Variants in QTMAN observed in about 807,000 individuals in gnomAD.
The protein encoded by QTMAN is queuosine-tRNA mannosyltransferase, also known as tRNA-queuosine alpha-mannosyltransferase.
At chr2:144,073,052 G>A in the QTMAN span, among the ~76,000 whole-genome samples, 1 of 151,872 alleles carries the variant, frequency 6.6e-6, no homozygotes, top group Non-Finnish European at 1.5e-5. Context: ...TCTGTGAGAG[G>A]GATAACCTTT....
the QTMAN span, among the ~76,000 whole-genome samples, chr2:144,238,243 T>C: frequency 1.3e-5 from 2 of 152,218 alleles, no homozygotes; most frequent in South Asian, 4.1e-4. Context: ...ATCAAGGAAG[T>C]AGCCAACTAC....
At chr2:144,217,928 G>C in the QTMAN span, among the ~76,000 whole-genome samples, 2 of 152,102 alleles carry the variant, frequency 1.3e-5, no homozygotes, top group Non-Finnish European at 2.9e-5. Context: ...TCACACGTAG[G>C]ATATATTTAT....
At chr2:144,147,120 G>A in the QTMAN span, among the ~76,000 whole-genome samples, 48 of 151,742 alleles carry the variant, frequency 3.2e-4, no homozygotes, top group Non-Finnish European at 6.0e-4. Flanking sequence ...ACATAAGAAG[G>A]ATTACATAAT....
the QTMAN span, among the ~76,000 whole-genome samples, chr2:144,117,502 G>A: frequency 6.6e-6 from 1 of 151,950 alleles, no homozygotes; most frequent in Non-Finnish European, 1.5e-5. Context: ...AATTAACACG[G>A]CAATGCATAA....
At chr2:144,175,785 C>G in the QTMAN span, among the ~76,000 whole-genome samples, 1 of 152,278 alleles carries the variant, frequency 6.6e-6, no homozygotes, top group South Asian at 2.1e-4. Context: ...CTGCCTCAGC[C>G]TCCCAAGTAG....
At chr2:143,971,353 G>T in the QTMAN span, among the ~76,000 whole-genome samples, 1 of 152,106 alleles carries the variant, frequency 6.6e-6, no homozygotes, top group Non-Finnish European at 1.5e-5. Flanking sequence ...AAGGAGGTAG[G>T]TCTGGGTCTA....
the QTMAN span, among the ~76,000 whole-genome samples, chr2:144,101,069 C>T: frequency 3.9e-5 from 6 of 152,010 alleles, no homozygotes; most frequent in East Asian, 7.7e-4. Context: ...GGGGTTTCAC[C>T]ATGTTAGCCA....
the QTMAN span, among the ~76,000 whole-genome samples, chr2:144,066,157 C>CT: frequency 8.6e-5 from 13 of 150,462 alleles, no homozygotes; most frequent in Middle Eastern, 3.4e-3. Context: ...TCTTCCTTTT[C>CT]TTTTTTTTTC....
the QTMAN span, among the ~76,000 whole-genome samples, chr2:144,196,378 T>C: frequency 1.3e-5 from 2 of 152,084 alleles, no homozygotes; most frequent in Non-Finnish European, 2.9e-5. Context: ...TTTAATTTTA[T>C]AAAAATCTTG....
At chr2:143,956,793 T>TC in the QTMAN span, among the ~76,000 whole-genome samples, 2,592 of 152,128 alleles carry the variant, frequency 0.017, 34 homozygotes, top group Non-Finnish European at 0.027. Flanking sequence ...CATTTTTTTT[T>TC]CCCAAAACCA....
chr2:143,965,620 C>T, the QTMAN span, among the ~76,000 whole-genome samples: 4 of 152,226 alleles, frequency 2.6e-5, no homozygotes, highest in African/African-American at 7.2e-5. Flanking sequence ...AATTATTTGC[C>T]GTGGGGGCTG....
chr2:144,027,436 G>C, the QTMAN span, among the ~76,000 whole-genome samples: 1 of 152,134 alleles, frequency 6.6e-6, no homozygotes, highest in Non-Finnish European at 1.5e-5. Context: ...AAGGCAAATG[G>C]AAAGATACTG....
chr2:144,081,787 T>C, the QTMAN span, among the ~76,000 whole-genome samples: 9 of 152,290 alleles, frequency 5.9e-5, no homozygotes. Flanking sequence ...CCTGGGTCAT[T>C]GTGGCAACAT....
chr2:144,086,751 T>C, the QTMAN span, among the ~76,000 whole-genome samples: 2 of 152,208 alleles, frequency 1.3e-5, no homozygotes, highest in African/African-American at 2.4e-5. Flanking sequence ...GTTCAGATTA[T>C]CAAACATCAA....
chr2:144,088,016 T>C, the QTMAN span, among the ~76,000 whole-genome samples: 6 of 151,934 alleles, frequency 3.9e-5, no homozygotes, highest in African/African-American at 1.2e-4. Context: ...GGCAGTGAAA[T>C]TGTCCCTCTT....
chr2:144,106,662 C>T, the QTMAN span, among the ~76,000 whole-genome samples: 8 of 152,176 alleles, frequency 5.3e-5, no homozygotes, highest in African/African-American at 1.7e-4. Flanking sequence ...TAATGGAAGA[C>T]ATTAACACCC....
the QTMAN span, among the ~76,000 whole-genome samples, chr2:144,116,130 C>G: frequency 6.6e-6 from 1 of 152,068 alleles, no homozygotes; most frequent in Non-Finnish European, 1.5e-5. Flanking sequence ...ATATGTACAC[C>G]ATAACATTCT....
chr2:144,070,048 G>A, the QTMAN span, among the ~76,000 whole-genome samples: 1 of 152,052 alleles, frequency 6.6e-6, no homozygotes, highest in Non-Finnish European at 1.5e-5. Flanking sequence ...ACTAAAGTAG[G>A]TAATGTGTCC....
At chr2:143,960,621 C>G in the QTMAN span, among the ~76,000 whole-genome samples, 1 of 152,068 alleles carries the variant, frequency 6.6e-6, no homozygotes, top group African/African-American at 2.4e-5. Flanking sequence ...AATAAAAGCT[C>G]CCATAGGATA....
Sources: gnomAD v4.1 joint callset for allele counts (sites outside exome capture counted in the v4.1 genomes callset) on GRCh38, gnomAD v4.1.1 for gene constraint, MANE v1.5 for transcripts, NCBI Gene and HGNC (gene_info 2026-07-23, HGNC 2026-07-21) for gene names.